The following CPHXL2 variants were observed in gnomAD, a reference collection of about 807,000 sequenced individuals.
CPHXL2 encodes cytoplasmic polyadenylated homeobox like 2.
chr16:75,669,362 C>A, the CPHXL2 span: 10 of 400,064 alleles, frequency 2.5e-5, no homozygotes, highest in South Asian at 1.3e-4. Context: ...GTTGAACTTA[C>A]GTTTATCACG....
the CPHXL2 span, among the ~76,000 whole-genome samples, chr16:75,671,292 G>C: frequency 1.3e-5 from 2 of 151,234 alleles, no homozygotes; most frequent in Non-Finnish European, 2.9e-5. Context: ...CCTGGGGAAG[G>C]CAGGGGCTGC....
At chr16:75,672,847 G>A in the CPHXL2 span, among the ~76,000 whole-genome samples, 2 of 152,118 alleles carry the variant, frequency 1.3e-5, no homozygotes, top group South Asian at 4.2e-4. Flanking sequence ...GATGCCTGGA[G>A]TTCCAGACCA....
the CPHXL2 span, chr16:75,661,111 A>C: frequency 2.5e-6 from 1 of 400,716 alleles, no homozygotes; most frequent in South Asian, 1.3e-4. Context: ...TCTGTGGCAT[A>C]GTTGGAAGCT....
chr16:75,670,335 A>G, the CPHXL2 span, among the ~76,000 whole-genome samples: 1 of 152,210 alleles, frequency 6.6e-6, no homozygotes, highest in African/African-American at 2.4e-5. Context: ...CTACTGAGGG[A>G]ACGGAATCGG....
the CPHXL2 span, among the ~76,000 whole-genome samples, chr16:75,668,595 G>A: frequency 6.6e-6 from 1 of 152,084 alleles, no homozygotes; most frequent in East Asian, 1.9e-4. Flanking sequence ...AAGATCTGAG[G>A]ATGTTTCTGT....
the CPHXL2 span, among the ~76,000 whole-genome samples, chr16:75,664,642 A>AT: frequency 1.4e-5 from 2 of 146,016 alleles, no homozygotes; most frequent in African/African-American, 2.6e-5. Flanking sequence ...AAAAAAAAAA[A>AT]GAAAGAAAGA....
the CPHXL2 span, among the ~76,000 whole-genome samples, chr16:75,668,213 C>A: frequency 0.52 from 77,369 of 148,076 alleles, 23,727 homozygotes; most frequent in East Asian, 0.9. Flanking sequence ...CTCTCTCTCT[C>A]TATATATATA....
the CPHXL2 span, among the ~76,000 whole-genome samples, chr16:75,670,564 A>G: frequency 1.3e-5 from 2 of 152,190 alleles, no homozygotes; most frequent in Non-Finnish European, 2.9e-5. Context: ...GCTGGAGACC[A>G]GTGATGCTAT....
the CPHXL2 span, among the ~76,000 whole-genome samples, chr16:75,664,772 T>A: frequency 2.8e-4 from 42 of 152,024 alleles, no homozygotes; most frequent in African/African-American, 1.0e-3. Flanking sequence ...CATTCATGGA[T>A]TAATGGATTA....
the CPHXL2 span, among the ~76,000 whole-genome samples, chr16:75,670,232 T>A: frequency 2.0e-5 from 3 of 152,144 alleles, no homozygotes; most frequent in African/African-American, 7.2e-5. Context: ...TCTTTAAAAT[T>A]AGAACTAATT....
the CPHXL2 span, among the ~76,000 whole-genome samples, chr16:75,675,538 CG>C: frequency 6.6e-6 from 1 of 151,932 alleles, no homozygotes; most frequent in South Asian, 2.1e-4. Flanking sequence ...AAAAATTCAC[CG>C]AAGAAAAAAT....
chr16:75,671,351 G>T, the CPHXL2 span, among the ~76,000 whole-genome samples: 7 of 121,612 alleles, frequency 5.8e-5, no homozygotes, highest in Non-Finnish European at 8.1e-5. Context: ...GATAGAGTAA[G>T]ACTCTGTATC....
chr16:75,660,939 TCCAGAGAAG>T, the CPHXL2 span: 2 of 398,672 alleles, frequency 5.0e-6, no homozygotes, highest in Non-Finnish European at 8.8e-6. Flanking sequence ...CCCTTGTTTC[TCCAGAGAAG>T]AGCACATGGA....
the CPHXL2 span, among the ~76,000 whole-genome samples, chr16:75,668,657 A>C: frequency 3.9e-5 from 6 of 152,190 alleles, no homozygotes; most frequent in African/African-American, 1.4e-4. Flanking sequence ...ATGTCCTCTC[A>C]TGTCCTTAAA....
At chr16:75,661,445 TCA>T in the CPHXL2 span, among the ~76,000 whole-genome samples, 1 of 152,080 alleles carries the variant, frequency 6.6e-6, no homozygotes, top group Non-Finnish European at 1.5e-5. Context: ...AGGTCATGCA[TCA>T]TGCATTTCTA....
the CPHXL2 span, among the ~76,000 whole-genome samples, chr16:75,676,019 C>T: frequency 3.3e-5 from 5 of 151,828 alleles, no homozygotes; most frequent in African/African-American, 1.2e-4. Flanking sequence ...ATGGAGGTTG[C>T]AGTGAGCCGA....
At chr16:75,662,096 C>A in the CPHXL2 span, among the ~76,000 whole-genome samples, 3 of 152,206 alleles carry the variant, frequency 2.0e-5, no homozygotes, top group Non-Finnish European at 4.4e-5. Context: ...TGGGTTGGGG[C>A]TCCTGTGACC....
At chr16:75,671,410 A>G in the CPHXL2 span, among the ~76,000 whole-genome samples, 3 of 151,566 alleles carry the variant, frequency 2.0e-5, no homozygotes, top group Non-Finnish European at 2.9e-5. Flanking sequence ...CAGAATTCTC[A>G]ATTTCTTTTA....
At chr16:75,671,198 C>A in the CPHXL2 span, among the ~76,000 whole-genome samples, 1 of 152,034 alleles carries the variant, frequency 6.6e-6, no homozygotes. Context: ...GCCTGGCCAA[C>A]ATGAAACAAA....
Sources: allele counts gnomAD v4.1 joint callset (sites outside exome capture counted in the v4.1 genomes callset), GRCh38; gene constraint gnomAD v4.1.1; transcripts MANE v1.5; gene names NCBI Gene and HGNC (gene_info 2026-07-23, HGNC 2026-07-21).